The following CSMD3 variants were observed in gnomAD, a reference collection of about 807,000 sequenced individuals.
The protein encoded by CSMD3 is CUB and Sushi multiple domains 3, also known as CUB and sushi domain-containing protein 3.
Under a neutral mutation model 435.2 loss-of-function variants are expected in CSMD3, and 177 were observed. The observed-to-expected ratio is 0.41, with a 90% CI of 0.36 to 0.46. CSMD3 has a LOEUF of 0.46. CSMD3 is among the 20% of genes least tolerant of loss of function. CSMD3 has a pLI of 0.34. For synonymous variants in CSMD3, 1,656 were observed against 1,520.5 expected (o/e 1.09, Z -2.07); for missense variants, 4,265 against 4,504.6 (o/e 0.95, Z 1.52).
chr8:112,451,671 T>C (rs1816292682), intron 32 of CSMD3, among the ~76,000 whole-genome samples: 2 of 152,036 alleles, frequency 1.3e-5, no homozygotes, highest in South Asian at 4.1e-4. Context: ...CCCAAGTACC[T>C]GGGATTACAC....
intron 4 of CSMD3, among the ~76,000 whole-genome samples, chr8:113,113,687 G>A (rs546081465): frequency 6.6e-6 from 1 of 152,096 alleles, no homozygotes; most frequent in African/African-American, 2.4e-5. Context: ...GAAAGTAAAA[G>A]TTCTCTATGT....
At chr8:112,334,866 T>C (rs1192433190) in intron 45 of CSMD3, among the ~76,000 whole-genome samples, 1 of 152,196 alleles carries the variant, frequency 6.6e-6, no homozygotes. Flanking sequence ...TGTAAGATTC[T>C]AGAATAGACA....
intron 65 of CSMD3, among the ~76,000 whole-genome samples, chr8:112,243,833 T>A (rs1278537236): frequency 6.6e-6 from 1 of 151,934 alleles, no homozygotes; most frequent in African/African-American, 2.4e-5. Context: ...GAACCCCAAA[T>A]ACAAGGACTG....
chr8:113,093,476 A>G (rs149207880), intron 5 of CSMD3, among the ~76,000 whole-genome samples: 214 of 152,294 alleles, frequency 1.4e-3, no homozygotes, highest in Middle Eastern at 0.01. Flanking sequence ...GTTGCAGATA[A>G]ATCAAGTGAG....
intron 3 of CSMD3, among the ~76,000 whole-genome samples, chr8:113,203,148 GATAA>G (rs144371641): frequency 0.011 from 1,615 of 152,152 alleles, 33 homozygotes; most frequent in African/African-American, 0.036. Context: ...CCCCGAAAAT[GATAA>G]ATGTTTGAAA....
Position 112,587,120 on chromosome 8 carries a change from C to T in CSMD3, c.3831G>A (p.Lys1277=). Residue 1277 remains lysine (K), a synonymous_variant, in exon 23 of 71, where the codon AAG becomes AAA. Coordinates refer to ENST00000297405, the MANE Select transcript of CSMD3 (RefSeq NM_198123.2). ...ATGTTCTGGCTGAAATATTGATTCC[C>T]TTTCCTGCTTGAACCTGAATACTAT... ...CIYSIQVQAG[K]GINISARTFH... The T allele has an allele frequency of 1.2e-6, 2 of 1,611,194 alleles. No homozygotes were observed. Among genetic ancestry groups the T allele is most frequent in the South Asian group, 2.2e-5 (2 of 91,032 alleles).
rs1203700170 is a variant in CSMD3, at chr8:112,390,659, C to T, written c.5934+5G>A. 6.2e-7 allele frequency: 1 copy of T among 1,611,492 alleles called. No homozygotes were observed. The highest frequency in any genetic ancestry group is 8.5e-7 in the Non-Finnish European group (1 of 1,177,678). On this transcript the variant is annotated splice_donor_5th_base_variant and intron_variant, in intron 36 of 70. Transcript: ENST00000297405. Reference sequence around the variant, plus strand: ...TGAAAAGAAGAAAAACTTAAATATTCTTACTTGAATGCCAGCTCCCTCTGG... The same window carrying T: ...TGAAAAGAAGAAAAACTTAAATATTTTTACTTGAATGCCAGCTCCCTCTGG...
rs146261545 is a variant in CSMD3 at position 112,416,281 on chromosome 8, C to T, written c.5396-7249G>A. Among the ~76,000 whole-genome samples, 5 of 152,228 alleles carry T rather than the reference C, an allele frequency of 3.3e-5. No homozygotes were observed. The East Asian group carries it at 5.8e-4, about 18-fold the overall frequency. On this transcript the variant is annotated intron_variant, in intron 32 of 70. Coordinates refer to ENST00000297405, the MANE Select transcript of CSMD3 (RefSeq NM_198123.2). ...TGGTTTTATAAGTGTCTGGTATTTC[C>T]GCTTCTGGCTCTCACTTCATCCTGC... is the stretch of plus-strand genomic sequence containing the variant.
chr8:113,407,287 G>A (rs910940965), intron 1 of CSMD3, among the ~76,000 whole-genome samples: 1 of 152,126 alleles, frequency 6.6e-6, no homozygotes, highest in Non-Finnish European at 1.5e-5. Context: ...GTAAAACTTA[G>A]TTTTCAAAGA....
At chr8:113,246,002 A>G (rs1369164445) in intron 3 of CSMD3, among the ~76,000 whole-genome samples, 1 of 151,898 alleles carries the variant, frequency 6.6e-6, no homozygotes, top group Non-Finnish European at 1.5e-5. Context: ...CTTATGTGTG[A>G]TTAGTTGTTT....
intron 24 of CSMD3, among the ~76,000 whole-genome samples, chr8:112,566,028 T>TTC (rs1316397319): frequency 5.4e-5 from 8 of 148,354 alleles, no homozygotes; most frequent in South Asian, 4.3e-4. Flanking sequence ...CTAACATTAT[T>TTC]TCTCTCTCTC....
chr8:113,024,262 A>T (rs1188215307), intron 5 of CSMD3, among the ~76,000 whole-genome samples: 1 of 150,618 alleles, frequency 6.6e-6, no homozygotes, highest in East Asian at 2.0e-4. Context: ...TTTCTTTCTT[A>T]AGGCTGCATA....
At chr8:113,319,606 T>C (rs199843518) in intron 1 of CSMD3, among the ~76,000 whole-genome samples, 2 of 152,002 alleles carry the variant, frequency 1.3e-5, no homozygotes, top group African/African-American at 4.8e-5. Flanking sequence ...TTTGAGCTTT[T>C]TGGAGTGGTA....
intron 13 of CSMD3, among the ~76,000 whole-genome samples, chr8:112,793,369 GTTCC>G: frequency 6.6e-6 from 1 of 151,268 alleles, no homozygotes; most frequent in Middle Eastern, 3.4e-3. Flanking sequence ...ACATATAACT[GTTCC>G]TTCCTGTGGG....
At chr8:112,556,733 A>G (rs748672954) in intron 25 of CSMD3, 30 bp downstream of exon 25, 8 of 1,536,946 alleles carry the variant, frequency 5.2e-6, no homozygotes, top group Admixed American at 1.7e-5. Flanking sequence ...TCACAGAAAT[A>G]TTCAATGAAA....
intron 9 of CSMD3, among the ~76,000 whole-genome samples, chr8:112,933,346 G>A (rs755437392): frequency 1.3e-5 from 2 of 152,120 alleles, no homozygotes; most frequent in Non-Finnish European, 2.9e-5. Context: ...TTACCAGTTT[G>A]TAATATGAGC....
chr8:112,709,231 T>A (rs1478935764), intron 13 of CSMD3, among the ~76,000 whole-genome samples: 2 of 152,280 alleles, frequency 1.3e-5, no homozygotes, highest in South Asian at 2.1e-4. Context: ...TGAAATTTTC[T>A]ATTCCATTAC....
rs548915110 is a variant in CSMD3, at chr8:112,726,975, G to A, written c.1973-36925C>T. 2.1e-4 allele frequency among the ~76,000 whole-genome samples: 32 copies of A among 151,720 alleles called. No individual in the cohort carries two copies. In the South Asian group the frequency reaches 6.4e-3, roughly 31 times the overall value. ...ATTTCTCAATATAGTTCATGACCAA[G>A]CAAAGAATTCTAAAAAATAAAGACA... On this transcript the variant is annotated intron_variant, in intron 13 of 70. Transcript: ENST00000297405.
chr8:112,945,900 C>T (rs969258054), intron 9 of CSMD3, among the ~76,000 whole-genome samples: 9 of 151,606 alleles, frequency 5.9e-5, no homozygotes, highest in African/African-American at 2.2e-4. Flanking sequence ...TATACTTCTT[C>T]CAATATCCAC....
Sources: allele counts gnomAD v4.1 joint callset (sites outside exome capture counted in the v4.1 genomes callset), GRCh38; gene constraint gnomAD v4.1.1; transcripts MANE v1.5; gene names NCBI Gene and HGNC (gene_info 2026-07-23, HGNC 2026-07-21).